Variants in DOK6 observed in about 807,000 individuals in gnomAD.
DOK6 encodes the protein docking protein 6.
Under a neutral mutation model 44.0 loss-of-function variants are expected in DOK6, and 22 were observed. The ratio of observed to expected loss-of-function variants is 0.50; its 90% CI spans 0.36 to 0.71. The LOEUF is 0.71. DOK6 is among the 30% of genes least tolerant of loss of function. The pLI is 0.00. For synonymous variants in DOK6, 166 were observed against 145.5 expected (o/e 1.14, Z -1.01); for missense variants, 340 against 416.4 (o/e 0.82, Z 1.60).
At chr18:69,690,035 G>T (rs1388542250) in intron 4 of DOK6, among the ~76,000 whole-genome samples, 1 of 151,936 alleles carries the variant, frequency 6.6e-6, no homozygotes, top group African/African-American at 2.4e-5. Context: ...AATCTCTAAG[G>T]TTTAACAGTT....
chr18:69,815,926 T>C (rs569938570), intron 7 of DOK6, among the ~76,000 whole-genome samples: 8 of 152,300 alleles, frequency 5.3e-5, no homozygotes, highest in African/African-American at 1.7e-4. Flanking sequence ...GTTATATGCT[T>C]ATCCACTTGC....
At position 69,546,940 on chromosome 18, in the gene DOK6, T is replaced by C. The variant is rs1013000071; in HGVS notation, c.67-17547T>C. Among the ~76,000 whole-genome samples the C allele has an allele frequency of 5.9e-5, 9 of 151,608 alleles. 1 individual carries two copies. Among genetic ancestry groups the C allele is most frequent in the African/African-American group, 2.2e-4 (9 of 41,412 alleles). On this transcript the variant is annotated intron_variant, in intron 1 of 7. Transcript: ENST00000382713. The stretch of plus-strand genomic sequence containing the variant: ...AGGAGGTTTAATTTGCTCACGGTTC[T>C]TCAGGCTGTACAGAAAGCATGACAG...
rs34477258 is a variant in DOK6, at chr18:69,617,328, A to AAAAGAAAGAAAG, written c.289+17840_289+17851dup. 2.4e-3 allele frequency among the ~76,000 whole-genome samples: 354 copies of AAAAGAAAGAAAG among 148,802 alleles called. 1 individual carries two copies. The highest frequency in any genetic ancestry group is 8.9e-3 in the East Asian group (44 of 4,954). On this transcript the variant is annotated intron_variant, in intron 3 of 7. Coordinates refer to ENST00000382713, the MANE Select transcript of DOK6 (RefSeq NM_152721.6). ...CAAAGAAAAGAAAAGAGAGAGAAAG[A>AAAAGAAAGAAAG]AAAGAAAGAAAGAAAGAAAGAGAAA... is the stretch of plus-strand genomic sequence containing the variant.
At chr18:69,460,010 GT>G (rs1555703710) in intron 1 of DOK6, among the ~76,000 whole-genome samples, 1 of 152,038 alleles carries the variant, frequency 6.6e-6, no homozygotes, top group Non-Finnish European at 1.5e-5. Context: ...CTCATTAGTC[GT>G]TTTAATACTT....
intron 1 of DOK6, among the ~76,000 whole-genome samples, chr18:69,411,930 C>A (rs1978308023): frequency 6.6e-6 from 1 of 152,082 alleles, no homozygotes; most frequent in Non-Finnish European, 1.5e-5. Context: ...TCTTGCATTT[C>A]TTTCAGTTTG....
chr18:69,496,187 T>C (rs189985602), intron 1 of DOK6, among the ~76,000 whole-genome samples: 395 of 152,318 alleles, frequency 2.6e-3, no homozygotes, highest in African/African-American at 8.8e-3. Flanking sequence ...CACTTTGAGA[T>C]GTCACCGTCA....
intron 7 of DOK6, among the ~76,000 whole-genome samples, chr18:69,796,033 G>T (rs1980735195): frequency 6.6e-6 from 1 of 152,182 alleles, no homozygotes; most frequent in South Asian, 2.1e-4. Context: ...AGAGAAGAGA[G>T]AAATGAAATG....
chr18:69,458,594 A>G (rs1249960188), intron 1 of DOK6, among the ~76,000 whole-genome samples: 1 of 152,134 alleles, frequency 6.6e-6, no homozygotes, highest in Non-Finnish European at 1.5e-5. Flanking sequence ...AAATGAAGTC[A>G]AACTATTTCT....
intron 5 of DOK6, among the ~76,000 whole-genome samples, chr18:69,728,864 C>T (rs892815752): frequency 6.6e-6 from 1 of 152,022 alleles, no homozygotes; most frequent in Non-Finnish European, 1.5e-5. Flanking sequence ...ACAGAAGAAA[C>T]TTCTTCATTT....
intron 5 of DOK6, among the ~76,000 whole-genome samples, chr18:69,717,325 T>C (rs573221985): frequency 6.6e-6 from 1 of 152,306 alleles, no homozygotes; most frequent in African/African-American, 2.4e-5. Flanking sequence ...TCTCAGTGGG[T>C]AAAACACAAG....
chr18:69,803,730 A>G (rs1220911072), intron 7 of DOK6, among the ~76,000 whole-genome samples: 2 of 152,074 alleles, frequency 1.3e-5, no homozygotes, highest in Admixed American at 6.6e-5. Flanking sequence ...GTGGTGGTGG[A>G]CGCCTGTAGT....
chr18:69,447,211 C>T (rs1979321194), intron 1 of DOK6, among the ~76,000 whole-genome samples: 1 of 152,078 alleles, frequency 6.6e-6, no homozygotes, highest in Admixed American at 6.6e-5. Flanking sequence ...GTCTTTAATC[C>T]ATCTTGAATT....
rs540698236 is a variant in DOK6 at position 69,630,893 on chromosome 18, A to G, written c.289+31395A>G. Among the ~76,000 whole-genome samples the G allele has an allele frequency of 6.6e-5, 10 of 152,304 alleles. No individual in the cohort carries two copies. In the East Asian group the frequency reaches 1.9e-3, roughly 29 times the overall value. On this transcript the variant is annotated intron_variant, in intron 3 of 7. Coordinates refer to ENST00000382713, the MANE Select transcript of DOK6 (RefSeq NM_152721.6). The stretch of plus-strand genomic sequence containing the variant: ...TTATAGGCATTTTCTTAAGATAGCT[A>G]CTTCAGGCTATAAAAAGTAGATGCC...
At chr18:69,421,746 C>T (rs1266224323) in intron 1 of DOK6, among the ~76,000 whole-genome samples, 1 of 152,088 alleles carries the variant, frequency 6.6e-6, no homozygotes, top group Non-Finnish European at 1.5e-5. Context: ...TACTTGATTA[C>T]ATGTGGTTTT....
At chr18:69,717,418 A>G (rs1986908777) in intron 5 of DOK6, among the ~76,000 whole-genome samples, 1 of 152,362 alleles carries the variant, frequency 6.6e-6, no homozygotes, top group Non-Finnish European at 1.5e-5. Context: ...GCTTATAAAC[A>G]AAAAGTTGCT....
At chr18:69,696,654 A>C (rs1986395720) in intron 4 of DOK6, among the ~76,000 whole-genome samples, 1 of 152,218 alleles carries the variant, frequency 6.6e-6, no homozygotes, top group South Asian at 2.1e-4. Context: ...TGGCCAAAGA[A>C]GAGAAGATTG....
At chr18:69,822,127 C>T (rs1481135505) in intron 7 of DOK6, among the ~76,000 whole-genome samples, 3 of 152,134 alleles carry the variant, frequency 2.0e-5, no homozygotes, top group African/African-American at 7.2e-5. Flanking sequence ...TAATGCATTT[C>T]ATATAAAGGA....
At chr18:69,817,891 AATCCAATTAT>A (rs1981447344) in intron 7 of DOK6, among the ~76,000 whole-genome samples, 4 of 152,210 alleles carry the variant, frequency 2.6e-5, no homozygotes, top group Admixed American at 2.6e-4. Context: ...GGCTACACTT[AATCCAATTAT>A]GGATTTTATT....
chr18:69,529,179 A>T (rs540970476), intron 1 of DOK6, among the ~76,000 whole-genome samples: 8 of 152,280 alleles, frequency 5.3e-5, no homozygotes, highest in African/African-American at 1.9e-4. Flanking sequence ...CCGGAATAGG[A>T]GTGATATACC....
Sources: gnomAD v4.1 joint callset for allele counts (sites outside exome capture counted in the v4.1 genomes callset) on GRCh38, gnomAD v4.1.1 for gene constraint, MANE v1.5 for transcripts, NCBI Gene and HGNC (gene_info 2026-07-23, HGNC 2026-07-21) for gene names.